Variants in PPP3CC observed in about 807,000 individuals in gnomAD.
PPP3CC encodes the protein serine/threonine-protein phosphatase 2B catalytic subunit gamma isoform.
Under a neutral mutation model 60.3 loss-of-function variants are expected in PPP3CC, and 35 were observed. The observed-to-expected ratio is 0.58, with a 90% CI of 0.44 to 0.77. The LOEUF is 0.77. PPP3CC is among the 30% of genes least tolerant of loss of function. PPP3CC has a pLI of 0.00. For synonymous variants in PPP3CC, 206 were observed against 224.3 expected (o/e 0.92, Z 0.73); for missense variants, 570 against 628.9 (o/e 0.91, Z 1.00).
rs558477576 is a variant in PPP3CC at position 22,462,078 on chromosome 8, T to A, written c.50-12876T>A. Among the ~76,000 whole-genome samples, 100 of 152,082 alleles carry A rather than the reference T, an allele frequency of 6.6e-4. 1 individual carries two copies. Among genetic ancestry groups the A allele is most frequent in the African/African-American group, 2.0e-3 (81 of 41,466 alleles). On this transcript the variant is annotated intron_variant, in intron 1 of 13. Coordinates refer to ENST00000240139, the MANE Select transcript of PPP3CC (RefSeq NM_005605.5). ...AGTGAGACCTCAGTCTTTAAAAAAA[T>A]TTTTTTAAAATTAAAATTAACTGAG...
intron 3 of PPP3CC, among the ~76,000 whole-genome samples, chr8:22,489,657 A>ATATATTATATATAAGTG (rs1838325575): frequency 7.1e-6 from 1 of 141,734 alleles, no homozygotes; most frequent in Non-Finnish European, 1.5e-5. Flanking sequence ...TACAATAAGT[A>ATATATTATATATAAGTG]TATATTATAT....
At position 22,498,117 on chromosome 8, in the gene PPP3CC, G is replaced by GTATAA. The variant is rs1419256392; in HGVS notation, c.484+7_484+11dup. On this transcript the variant is annotated splice_donor_region_variant and intron_variant, in intron 4 of 13. Transcript: ENST00000240139. ...ATTTCACCTTCAAACAGGAATGTAAGTATAATCACTCCTCTAGAACCTTTT... is the reference window on the plus strand; with the variant it reads ...ATTTCACCTTCAAACAGGAATGTAAGTATAATATAATCACTCCTCTAGAACCTTTT... The GTATAA allele has an allele frequency of 6.4e-7, 1 of 1,574,760 alleles. No individual in the cohort carries two copies. The highest frequency in any genetic ancestry group is 1.7e-5 in the Admixed American group (1 of 59,542).
chr8:22,441,499 A>G, intron 1 of PPP3CC, 41 bp downstream of exon 1: 1 of 1,511,034 alleles, frequency 6.6e-7, no homozygotes, highest in Non-Finnish European at 8.9e-7. Flanking sequence ...CCCGCGGGAA[A>G]CGGCCTTCGG....
At chr8:22,515,172 A>T (rs1301407354) in intron 6 of PPP3CC, among the ~76,000 whole-genome samples, 1 of 151,914 alleles carries the variant, frequency 6.6e-6, no homozygotes, top group African/African-American at 2.4e-5. Flanking sequence ...CATCTCCATG[A>T]GTTCAGTTGT....
At chr8:22,539,410 G>A (rs1161203111) in intron 12 of PPP3CC, 59 bp from the exon 13 acceptor site, 1 of 1,597,528 alleles carries the variant, frequency 6.3e-7, no homozygotes. Context: ...AGTGCTGTTG[G>A]TTTACTCACT....
At chr8:22,503,156 A>C (rs546520509) in intron 4 of PPP3CC, among the ~76,000 whole-genome samples, 14 of 152,330 alleles carry the variant, frequency 9.2e-5, no homozygotes, top group African/African-American at 3.4e-4. Flanking sequence ...CTTTGTAAGC[A>C]CCCAAGGTAG....
chr8:22,526,785 C>T (rs1010256496), intron 8 of PPP3CC, among the ~76,000 whole-genome samples: 1 of 152,182 alleles, frequency 6.6e-6, no homozygotes, highest in Non-Finnish European at 1.5e-5. Flanking sequence ...TTAAACATAG[C>T]ATGCTGGCAA....
chr8:22,443,377 C>T (rs1444222710), intron 1 of PPP3CC, among the ~76,000 whole-genome samples: 1 of 151,920 alleles, frequency 6.6e-6, no homozygotes, highest in Admixed American at 6.6e-5. Context: ...CAAAAATTAG[C>T]TGGGCATGGT....
intron 1 of PPP3CC, among the ~76,000 whole-genome samples, chr8:22,449,175 G>T (rs1043964867): frequency 7.2e-5 from 11 of 152,096 alleles, no homozygotes; most frequent in Non-Finnish European, 1.6e-4. Flanking sequence ...TTGGCTGGGC[G>T]CAGTGGCTCA....
Position 22,475,609 on chromosome 8 carries a change from C to G in PPP3CC, c.357C>G (p.Gly119=), listed in dbSNP as rs749284739. The G allele has an allele frequency of 6.2e-7, 1 of 1,612,840 alleles. No individual in the cohort carries two copies. Among genetic ancestry groups the G allele is most frequent in the African/African-American group, 1.3e-5 (1 of 74,950 alleles). Residue 119 remains glycine (G), a synonymous_variant, in exon 3 of 14, where the codon GGC becomes GGG. Coordinates refer to ENST00000240139, the MANE Select transcript of PPP3CC (RefSeq NM_005605.5). ...YLFLGDYVDR[G]YFSIECVLYL... ...TTCTGGGTGACTATGTGGACAGAGG[C>G]TATTTCAGTATAGAGGTAAAAATTA...
intron 3 of PPP3CC, among the ~76,000 whole-genome samples, chr8:22,489,696 TTA>T (rs1159106935): frequency 2.3e-5 from 1 of 44,328 alleles, no homozygotes; most frequent in African/African-American, 1.2e-4. Flanking sequence ...TAAGTATATA[TTA>T]TATATTATAT....
chr8:22,484,201 G>A (rs1320776965), intron 3 of PPP3CC, among the ~76,000 whole-genome samples: 1 of 151,896 alleles, frequency 6.6e-6, no homozygotes, highest in Non-Finnish European at 1.5e-5. Context: ...TAAGTCACAA[G>A]AACTGAAAAA....
At chr8:22,512,481 A>G (rs1391417667) in intron 5 of PPP3CC, among the ~76,000 whole-genome samples, 1 of 152,074 alleles carries the variant, frequency 6.6e-6, no homozygotes, top group African/African-American at 2.4e-5. Flanking sequence ...ATATTGAAAT[A>G]CCTCAACTGC....
intron 12 of PPP3CC, 130 bp downstream of exon 12, chr8:22,533,148 A>G (rs1839763155): frequency 1.7e-6 from 1 of 577,866 alleles, no homozygotes; most frequent in East Asian, 3.4e-5. Context: ...CGGGGAAATG[A>G]ATCTTCACCC....
At chr8:22,452,905 C>T (rs908118239) in intron 1 of PPP3CC, among the ~76,000 whole-genome samples, 1 of 152,198 alleles carries the variant, frequency 6.6e-6, no homozygotes, top group African/African-American at 2.4e-5. Context: ...ATTTTCTTGT[C>T]CTTTCTTCAC....
At chr8:22,468,228 C>T (rs1002249218) in intron 1 of PPP3CC, among the ~76,000 whole-genome samples, 2 of 152,110 alleles carry the variant, frequency 1.3e-5, no homozygotes, top group Admixed American at 6.6e-5. Flanking sequence ...CTCAGCCTCC[C>T]GAGTAGCTGG....
Position 22,475,087 on chromosome 8 carries a change from C to A in PPP3CC, c.183C>A (p.Ile61=). 1 of 1,613,700 alleles carries A rather than the reference C, an allele frequency of 6.2e-7. No homozygotes were observed. The highest frequency in any genetic ancestry group is 1.1e-5 in the South Asian group (1 of 91,028). ...AAGAGGAAGTAGCCTTAAAGATAATCAATGATGGGGCTGCCATCCTGAGGC... is the reference window on the plus strand; with the variant it reads ...AAGAGGAAGTAGCCTTAAAGATAATAAATGATGGGGCTGCCATCCTGAGGC... ...RLEEEVALKI[I]NDGAAILRQE... is the part of the protein sequence containing the mutation. Residue 61 remains isoleucine, a synonymous_variant, in exon 2 of 14, where the codon ATC becomes ATA. Coordinates refer to ENST00000240139, the MANE Select transcript of PPP3CC (RefSeq NM_005605.5).
chr8:22,489,038 AT>A (rs111415785), intron 3 of PPP3CC, among the ~76,000 whole-genome samples: 81 of 147,608 alleles, frequency 5.5e-4, no homozygotes, highest in East Asian at 7.9e-4. Flanking sequence ...TATTGGAGGA[AT>A]TTTTTTTTTT....
At chr8:22,525,491 CTTCTTTCTTTCT>C (rs199717558) in intron 8 of PPP3CC, among the ~76,000 whole-genome samples, 2,481 of 128,630 alleles carry the variant, frequency 0.019, 34 homozygotes, top group Middle Eastern at 0.054. Context: ...GCTTCCTTTT[CTTCTTTCTTTCT>C]TTCTTTCTTT....
Sources: allele counts gnomAD v4.1 joint callset (sites outside exome capture counted in the v4.1 genomes callset), GRCh38; gene constraint gnomAD v4.1.1; transcripts MANE v1.5; gene names NCBI Gene and HGNC (gene_info 2026-07-23, HGNC 2026-07-21).